Variants in NXN observed in about 807,000 individuals in gnomAD.
NXN encodes nucleoredoxin 1.
A neutral mutation model predicts 48.6 loss-of-function variants in NXN; 16 were observed. The ratio of observed to expected loss-of-function variants is 0.33; its 90% confidence interval spans 0.22 to 0.50. NXN has a LOEUF of 0.50. Ranked by LOEUF, NXN falls within the 20% of genes least tolerant of loss-of-function variation. NXN has a pLI of 0.98. For missense variants in NXN, 492 were observed against 605.5 expected, an observed-to-expected ratio of 0.81 and a Z score of 1.97; for synonymous variants, 281 against 269.6, an observed-to-expected ratio of 1.04 and a Z score of -0.41.
chr17:836,963 C>CTGT (rs1555612218), intron 1 of NXN, among the ~76,000 whole-genome samples: 1 of 144,874 alleles, frequency 6.9e-6, no homozygotes, highest in East Asian at 2.0e-4. Flanking sequence ...AGCTTAGTTG[C>CTGT]TATTATTATT....
intron 1 of NXN, among the ~76,000 whole-genome samples, chr17:936,322 C>G (rs989605174): frequency 3.3e-5 from 5 of 151,986 alleles, no homozygotes; most frequent in Non-Finnish European, 7.4e-5. Flanking sequence ...GTTCTTCTCC[C>G]GTGGGGTGGA....
Position 806,446 on chromosome 17 carries a change from G to A in NXN, c.821-1199C>T, listed in dbSNP as rs189847365. ...AAGCCCCACTCTGGTCAAGGTGCAC[G>A]TGGGTTTTCTGTGTCTCTGTTCTTT... is the stretch of plus-strand genomic sequence containing the variant. On this transcript the variant is annotated intron_variant, in intron 5 of 7. Coordinates refer to ENST00000336868, the MANE Select transcript of NXN (RefSeq NM_022463.5). Among the ~76,000 whole-genome samples, 12 of 152,174 alleles carry A rather than the reference G, an allele frequency of 7.9e-5. No individual in the cohort carries two copies. In the East Asian group the frequency reaches 2.3e-3, roughly 30 times the overall value.
intron 1 of NXN, among the ~76,000 whole-genome samples, chr17:853,723 A>ATATATATTTTTTT (rs1491528474): frequency 5.7e-5 from 6 of 105,976 alleles, no homozygotes; most frequent in African/African-American, 2.6e-4. Flanking sequence ...ATATATATAT[A>ATATATATTTTTTT]TTTTTTTTTT....
At chr17:943,057 C>T (rs147930698) in intron 1 of NXN, among the ~76,000 whole-genome samples, 8,858 of 147,078 alleles carry the variant, frequency 0.06, 555 homozygotes, top group East Asian at 0.26. Flanking sequence ...CCAAACACCT[C>T]CCTGGATTTA....
rs371113760 is a variant in NXN at position 979,401 on chromosome 17, G to C, written c.278C>G (p.Ser93Trp). 1 of 1,461,518 alleles carries C rather than the reference G, an allele frequency of 6.8e-7. No homozygotes were observed. The highest frequency in any genetic ancestry group is 9.1e-7 in the Non-Finnish European group (1 of 1,099,130). 90.5% of individuals were successfully genotyped at this position (1,461,518 alleles called of 1,614,324 possible). Residue 93 changes from serine to tryptophan, a missense_variant, in exon 1 of 8, where the codon TCG becomes TGG. By Grantham distance (177) the Ser-to-Trp change is radical. Coordinates refer to ENST00000336868, the MANE Select transcript of NXN (RefSeq NM_022463.5). ...CTGCCACTGCCGCTGGTCCTGGTCC[G>C]AGGACACGAAGACGATCTCCAGGCG... ...RRRLEIVFVSSDQDQRQWQDF... is the reference protein window; with the variant it reads ...RRRLEIVFVSWDQDQRQWQDF...
Position 956,594 on chromosome 17 carries a change from T to C in NXN, c.360+22725A>G, listed in dbSNP as rs1198824058. On this transcript the variant is annotated intron_variant, in intron 1 of 7. Transcript: ENST00000336868. The surrounding 1 kb of genome is among the most constrained non-coding windows in gnomAD (Gnocchi z 4.1). ...ACGTCCGGCTAATTTTTTGTATTTT[T>C]AGTAGCAATGGGGTTTCACCGTGTT... Among the ~76,000 whole-genome samples the C allele has an allele frequency of 6.6e-6, 1 of 152,006 alleles. No homozygotes were observed. Among genetic ancestry groups the C allele is most frequent in the Non-Finnish European group, 1.5e-5 (1 of 67,992 alleles).
intron 1 of NXN, among the ~76,000 whole-genome samples, chr17:947,944 G>C (rs147312337): frequency 6.6e-6 from 1 of 150,820 alleles, no homozygotes; most frequent in South Asian, 2.1e-4. Context: ...CCAGCTACTC[G>C]GGAGGCTGAG....
intron 1 of NXN, among the ~76,000 whole-genome samples, chr17:840,972 G>A (rs572280966): frequency 1.2e-4 from 19 of 152,328 alleles, no homozygotes; most frequent in African/African-American, 3.1e-4. Context: ...ACCGCACGGC[G>A]GCGGGAGGCA....
chr17:841,529 C>CCACAGCGCATCT (rs1914258138), intron 1 of NXN, among the ~76,000 whole-genome samples: 1 of 68,110 alleles, frequency 1.5e-5, no homozygotes, highest in East Asian at 4.2e-4. Context: ...GTCCCCCCGA[C>CCACAGCGCATCT]CATGGAGCAT....
At chr17:873,493 C>CAAAAAAAAAAAAAAAAAAAAAAAAA (rs71145783) in intron 1 of NXN, among the ~76,000 whole-genome samples, 1 of 74,982 alleles carries the variant, frequency 1.3e-5, no homozygotes, top group African/African-American at 4.9e-5. Context: ...ACACTGTCTC[C>CAAAAAAAAAAAAAAAAAAAAAAAAA]AAAAAAAAAA....
In NXN at chr17:979,111, G is replaced by C. The variant is rs1405603764; in HGVS notation, c.360+208C>G. On this transcript the variant is annotated intron_variant, in intron 1 of 7. Coordinates refer to ENST00000336868, the MANE Select transcript of NXN (RefSeq NM_022463.5). The stretch of plus-strand genomic sequence containing the variant: ...GAGGGTGCGGGCACAGCGCGGAAGG[G>C]GGGGGGGCAGAGGCGGGGACGGCGG... Among the ~76,000 whole-genome samples the C allele has an allele frequency of 2.2e-3, 216 of 96,510 alleles. 3 individuals are homozygous for C. The highest frequency in any genetic ancestry group is 1.0e-2 in the African/African-American group (193 of 19,352). 63.3% of individuals were successfully genotyped at this position (96,510 alleles called of 152,430 possible). A position where few individuals can be genotyped will look rare whatever the true frequency, so the allele number is the denominator to read the frequency against.
intron 1 of NXN, among the ~76,000 whole-genome samples, chr17:860,375 T>C: frequency 9.3e-6 from 1 of 107,850 alleles, no homozygotes; most frequent in Admixed American, 1.1e-4. Flanking sequence ...CCACCCACCT[T>C]GGCCTCCCAA....
intron 1 of NXN, among the ~76,000 whole-genome samples, chr17:893,337 C>G (rs1307203320): frequency 6.6e-6 from 1 of 152,216 alleles, no homozygotes; most frequent in Non-Finnish European, 1.5e-5. Context: ...TCAGGAAACC[C>G]TAGGCAGAGG....
At chr17:873,493 C>CAAAAAAAAAAAAAAAAAAAAAAAACAAA (rs71145783) in intron 1 of NXN, among the ~76,000 whole-genome samples, 1 of 74,982 alleles carries the variant, frequency 1.3e-5, no homozygotes, top group African/African-American at 4.9e-5. Context: ...ACACTGTCTC[C>CAAAAAAAAAAAAAAAAAAAAAAAACAAA]AAAAAAAAAA....
At chr17:810,812 G>C (rs1054811739) in intron 5 of NXN, among the ~76,000 whole-genome samples, 16 of 152,038 alleles carry the variant, frequency 1.1e-4, no homozygotes, top group Admixed American at 5.9e-4. Flanking sequence ...TCGCTTGAAC[G>C]CGGGAGGCAG....
At position 979,730 on chromosome 17, in the gene NXN, C is replaced by CGCGGCGGGAGGAG. The variant is rs2069516647; in HGVS notation, c.-65_-53dup. On this transcript the variant is annotated 5_prime_UTR_variant, in exon 1 of 8. Coordinates refer to ENST00000336868, the MANE Select transcript of NXN (RefSeq NM_022463.5). ...GGCTGCGACCCCGCTCCACGGTCCGCGCGGCGGGAGGAGGCGGCGGCGTCG... is the reference window on the plus strand; with the variant it reads ...GGCTGCGACCCCGCTCCACGGTCCGCGCGGCGGGAGGAGGCGGCGGGAGGAGGCGGCGGCGTCG... 2.4e-6 allele frequency: 3 copies of CGCGGCGGGAGGAG among 1,271,716 alleles called. No homozygotes were observed. The highest frequency in any genetic ancestry group is 4.3e-5 in the Admixed American group (1 of 23,376). 78.8% of individuals were successfully genotyped at this position (1,271,716 alleles called of 1,614,324 possible).
At chr17:886,364 C>G (rs543913235) in intron 1 of NXN, among the ~76,000 whole-genome samples, 155 of 152,250 alleles carry the variant, frequency 1.0e-3, no homozygotes, top group Non-Finnish European at 1.9e-3. Context: ...TTGCTCTTAC[C>G]GAGCCAGAGG....
At chr17:953,248 C>A (rs991500852) in intron 1 of NXN, among the ~76,000 whole-genome samples, 1 of 152,058 alleles carries the variant, frequency 6.6e-6, no homozygotes, top group African/African-American at 2.4e-5. Flanking sequence ...AACCCCATCT[C>A]TACCAAAAAT....
At chr17:870,277 G>A (rs2068137247) in intron 1 of NXN, among the ~76,000 whole-genome samples, 1 of 152,202 alleles carries the variant, frequency 6.6e-6, no homozygotes, top group Non-Finnish European at 1.5e-5. Context: ...GAGAAGCAAA[G>A]GGAAAGTTCA....
Sources: allele counts gnomAD v4.1 joint callset (sites outside exome capture counted in the v4.1 genomes callset), GRCh38; gene constraint gnomAD v4.1.1; non-coding constraint Gnocchi (gnomAD v3.1); transcripts MANE v1.5; gene names NCBI Gene and HGNC (gene_info 2026-07-23, HGNC 2026-07-21).